ROBO4: variants seen among roughly 807,000 people sequenced by gnomAD.
ROBO4 encodes roundabout guidance receptor 4, also known as roundabout homolog 4.
A neutral mutation model predicts 103.3 loss-of-function variants in ROBO4; 80 were observed. The ratio of observed to expected loss-of-function variants is 0.77; its 90% CI spans 0.65 to 0.93. The LOEUF is 0.93. Ranked by LOEUF, ROBO4 falls within the 40% of genes least tolerant of loss-of-function variation. ROBO4 has a pLI of 0.00. For missense variants in ROBO4, 1,333 were observed against 1,305.3 expected, an observed-to-expected ratio of 1.02 and a Z score of -0.33; for synonymous variants, 504 against 529.7, an observed-to-expected ratio of 0.95 and a Z score of 0.67.
intron 10 of ROBO4, among the ~76,000 whole-genome samples, chr11:124,893,426 G>C (rs1565325791): frequency 6.6e-6 from 1 of 152,212 alleles, no homozygotes; most frequent in African/African-American, 2.4e-5. Context: ...TAGCGGGTGA[G>C]GCAGCAGGAG....
In ROBO4 at chr11:124,887,377, T is replaced by C. The variant is rs774758599; in HGVS notation, c.2179A>G (p.Thr727Ala). The C allele has an allele frequency of 5.0e-6, 8 of 1,613,738 alleles. No homozygotes were observed. The highest frequency in any genetic ancestry group is 3.3e-5 in the South Asian group (3 of 91,078). ...TCTTACTGGGTCTGTTGACTCTGAG[T>C]TGGGGGAGTTTCATGAGGAAAGAGG... ...APLFPHETPP[T>A]QSQQTQPPVA... The change falls in exon 14 of 18, where the codon ACT (threonine) becomes GCT (alanine). Residue 727 changes from threonine (T) to alanine (A), a missense_variant. Physicochemically the swap from Thr to Ala is moderately conservative, Grantham distance 58. Transcript: ENST00000306534.
chr11:124,883,973 TGAG>T lies in ROBO4; in HGVS notation c.*915_*917del, dbSNP rs1946672312. The stretch of plus-strand genomic sequence containing the variant: ...CCATAAATATCCCTAAGGCTTATCT[TGAG>T]GAGGTGGATTTAATATAAGTTGCCA... On this transcript the variant is annotated 3_prime_UTR_variant, in exon 18 of 18. Coordinates refer to ENST00000306534, the MANE Select transcript of ROBO4 (RefSeq NM_019055.6). 1 of 152,124 alleles carries T rather than the reference TGAG, an allele frequency of 6.6e-6. No homozygotes were observed. Among genetic ancestry groups the T allele is most frequent in the Non-Finnish European group, 1.5e-5 (1 of 68,030 alleles). 9.4% of individuals were successfully genotyped at this position (152,124 alleles called of 1,614,324 possible).
At position 124,896,664 on chromosome 11, in the gene ROBO4, C is replaced by T. The variant is rs776913148; in HGVS notation, c.407G>A (p.Arg136Gln). 1.4e-5 allele frequency: 22 copies of T among 1,613,766 alleles called. No individual in the cohort carries two copies. The highest frequency in any genetic ancestry group is 2.7e-5 in the African/African-American group (2 of 74,910). The change falls in exon 3 of 18, where the codon CGG becomes CAG. Residue 136 changes from arginine to glutamine, a missense_variant. Coordinates refer to ENST00000306534, the MANE Select transcript of ROBO4 (RefSeq NM_019055.6). Reference sequence around the variant, plus strand: ...CCGAGGCTGGATCTGGAAATCCTCCCGGAGGACTGTGGGGAGGATGGAAGG... The same window carrying T: ...CCGAGGCTGGATCTGGAAATCCTCCTGGAGGACTGTGGGGAGGATGGAAGG... ...RGARLSVAVL[R>Q]EDFQIQPRDM...
rs1946878259 is a variant in ROBO4 at position 124,895,778 on chromosome 11, T to C, written c.807+7A>G. On this transcript the variant is annotated splice_region_variant and intron_variant, in intron 5 of 17. Transcript: ENST00000306534. ...ATCGGCTTTTACCCTTAGCACCTGG[T>C]CCTCACCTTCCAGCTGAGCCACACC... The C allele has an allele frequency of 6.2e-7, 1 of 1,614,080 alleles. No homozygotes were observed. The highest frequency in any genetic ancestry group is 8.5e-7 in the Non-Finnish European group (1 of 1,180,030).
intron 14 of ROBO4, 40 bp downstream of exon 14, chr11:124,887,318 C>T (rs371216915): frequency 1.8e-4 from 298 of 1,613,246 alleles, no homozygotes; most frequent in Non-Finnish European, 2.4e-4. Flanking sequence ...CCCACACCCC[C>T]ACTCTCCCAG....
At chr11:124,897,300 G>C (rs1284456288) in intron 1 of ROBO4, 39 bp from the exon 2 acceptor site, 5 of 1,362,530 alleles carry the variant, frequency 3.7e-6, no homozygotes, top group Non-Finnish European at 4.8e-6. Context: ...CTGATCACCA[G>C]CAACACCCCA....
Position 124,884,620 on chromosome 11 carries a change from G to A in ROBO4, c.*271C>T. Reference sequence around the variant, plus strand: ...CTGCTCCTCAGGCCAAAACAACCTGGTGGTGGGAGTGGATGGCACAGAGGA... The same window carrying A: ...CTGCTCCTCAGGCCAAAACAACCTGATGGTGGGAGTGGATGGCACAGAGGA... On this transcript the variant is annotated 3_prime_UTR_variant, in exon 18 of 18. Transcript: ENST00000306534. 1 of 553,630 alleles carries A rather than the reference G, an allele frequency of 1.8e-6. No individual in the cohort carries two copies. The highest frequency in any genetic ancestry group is 2.3e-5 in the South Asian group (1 of 43,068). The allele number at this position is 553,630 out of a possible 1,614,324, so 34.3% of individuals were successfully genotyped here.
At position 124,888,694 on chromosome 11, in the gene ROBO4, T is replaced by G. The variant is rs1946755019; in HGVS notation, c.1949-854A>C. 2.0e-5 allele frequency among the ~76,000 whole-genome samples: 3 copies of G among 152,238 alleles called. No homozygotes were observed. The South Asian group carries it at 6.2e-4, about 31-fold the overall frequency. ...CATGGGCAGTGGAGAGACAGGGCTC[T>G]GAGTGAACTTTCACAACAGAGAAGC... On this transcript the variant is annotated intron_variant, in intron 12 of 17. Coordinates refer to ENST00000306534, the MANE Select transcript of ROBO4 (RefSeq NM_019055.6).
rs759110626 is a variant in ROBO4, at chr11:124,887,231, G to A, written c.2199-18C>T. 2 of 1,586,146 alleles carry A rather than the reference G, an allele frequency of 1.3e-6. No individual in the cohort carries two copies. The highest frequency in any genetic ancestry group is 1.7e-6 in the Non-Finnish European group (2 of 1,164,860). ...CCGGAGGCCTGATTTGCGGGAGAGA[G>A]TGATGGCACCGTAGTTACTACAGCT... On this transcript the variant is annotated intron_variant, in intron 14 of 17. Transcript: ENST00000306534.
chr11:124,890,269 A>G (rs898575901), intron 12 of ROBO4, among the ~76,000 whole-genome samples: 1 of 152,244 alleles, frequency 6.6e-6, no homozygotes, highest in African/African-American at 2.4e-5. Flanking sequence ...GATATTGAAC[A>G]AGCTGTTAAT....
chr11:124,894,534 A>AGG, intron 7 of ROBO4, 165 bp from the exon 8 acceptor site: 2 of 630,034 alleles, frequency 3.2e-6, no homozygotes, highest in Non-Finnish European at 5.4e-6. Context: ...CAAGTGAGAG[A>AGG]TACCTCTCTC....
chr11:124,884,402 T>C lies in ROBO4; in HGVS notation c.*489A>G, dbSNP rs1946679228. 5.7e-6 allele frequency: 1 copy of C among 174,506 alleles called. No individual in the cohort carries two copies. Among genetic ancestry groups the C allele is most frequent in the Non-Finnish European group, 1.2e-5 (1 of 82,118 alleles). 10.8% of individuals were successfully genotyped at this position (174,506 alleles called of 1,614,324 possible). ...GCCTCAGTGGCATTCATAATTATTT[T>C]CTTTCCATGGTGAGGTTGGGAGAGA... On this transcript the variant is annotated 3_prime_UTR_variant, in exon 18 of 18. Coordinates refer to ENST00000306534, the MANE Select transcript of ROBO4 (RefSeq NM_019055.6).
In ROBO4 at chr11:124,885,102, G is replaced by C. The variant is rs149895057; in HGVS notation, c.2940C>G (p.Pro980=). The change falls in exon 17 of 18, where the codon CCC becomes CCG. Residue 980 remains proline, a synonymous_variant. Transcript: ENST00000306534. ...QRLGRGMPPW[P]PDSQISSQRS... is the part of the protein sequence containing the mutation. ...TCTGGGAAGAGATCTGAGAGTCAGGGGGCCAGGGAGGCATCCCCCTTCCCA... is the reference window on the plus strand; with the variant it reads ...TCTGGGAAGAGATCTGAGAGTCAGGCGGCCAGGGAGGCATCCCCCTTCCCA... The C allele has an allele frequency of 1.2e-6, 2 of 1,614,034 alleles. No individual in the cohort carries two copies. Among genetic ancestry groups the C allele is most frequent in the Admixed American group, 1.7e-5 (1 of 60,008 alleles).
At chr11:124,893,083 T>C (rs1281858329) in intron 10 of ROBO4, 1 of 155,228 alleles carries the variant, frequency 6.4e-6, no homozygotes, top group Non-Finnish European at 1.4e-5. Context: ...GACAGAGAGA[T>C]GAGGCGGTTA....
In ROBO4 at chr11:124,886,457, C is replaced by T. The variant is rs778536790; in HGVS notation, c.2794+7G>A. 1.2e-6 allele frequency: 2 copies of T among 1,606,736 alleles called. No homozygotes were observed. The highest frequency in any genetic ancestry group is 1.7e-6 in the Non-Finnish European group (2 of 1,174,076). ...AGTGAGGAGTAAGATGGGGAGACCT[C>T]ACATACCTATGAAGACGCAGTCTGC... On this transcript the variant is annotated splice_region_variant and intron_variant, in intron 16 of 17. Transcript: ENST00000306534.
At chr11:124,888,458 G>A (rs891846976) in intron 12 of ROBO4, among the ~76,000 whole-genome samples, 9 of 152,212 alleles carry the variant, frequency 5.9e-5, no homozygotes, top group African/African-American at 1.9e-4. Context: ...AACAGGGATC[G>A]ACACACAATG....
At position 124,895,465 on chromosome 11, in the gene ROBO4, G is replaced by T. The variant is rs376523424; in HGVS notation, c.1028C>A (p.Pro343Gln). 4.2e-5 allele frequency: 67 copies of T among 1,609,282 alleles called. No individual in the cohort carries two copies. The South Asian group carries it at 7.0e-4, about 17-fold the overall frequency. The stretch of plus-strand genomic sequence containing the variant: ...AGGGATCAGGCCCTGACCTTTTTCC[G>T]GCAGCCTCAGGAGCAGCACGTTGCT... ...PDSNVLLLRL[P>Q]EKVPSAPPQE... Residue 343 changes from proline to glutamine, a missense_variant, in exon 6 of 18, where the codon CCG becomes CAG. Physicochemically the swap from Pro to Gln is moderately conservative, Grantham distance 76. Coordinates refer to ENST00000306534, the MANE Select transcript of ROBO4 (RefSeq NM_019055.6).
chr11:124,887,297 G>A (rs1235431097), intron 14 of ROBO4, 61 bp downstream of exon 14: 58 of 1,609,626 alleles, frequency 3.6e-5, no homozygotes, highest in East Asian at 3.1e-4. Flanking sequence ...GTCCAATCCC[G>A]GCACACACTC....
In ROBO4 at chr11:124,886,473, C is replaced by T. The variant is rs370405639; in HGVS notation, c.2785G>A (p.Val929Ile). Residue 929 changes from valine to isoleucine, a missense_variant, in exon 16 of 18, where the codon GTC (valine) becomes ATC (isoleucine). By Grantham distance (29) the Val-to-Ile change is conservative. Transcript: ENST00000306534. ...GGGAGACCTCACATACCTATGAAGA[C>T]GCAGTCTGCCTCCCTGGGCTCTAGA... is the stretch of plus-strand genomic sequence containing the variant. The part of the protein sequence containing the change: ...FGLEPREADC[V>I]FIDASSPPSP... 57 of 1,612,214 alleles carry T rather than the reference C, an allele frequency of 3.5e-5. No individual in the cohort carries two copies. Among genetic ancestry groups the T allele is most frequent in the East Asian group, 1.1e-4 (5 of 44,846 alleles).
Sources: gnomAD v4.1 joint callset for allele counts (sites outside exome capture counted in the v4.1 genomes callset) on GRCh38, gnomAD v4.1.1 for gene constraint, MANE v1.5 for transcripts, NCBI Gene and HGNC (gene_info 2026-07-23, HGNC 2026-07-21) for gene names.